SNTG2: variants seen among roughly 807,000 people sequenced by gnomAD.
SNTG2 encodes the protein gamma-2-syntrophin.
In SNTG2, 74 loss-of-function variants were observed where a neutral mutation model predicts 70.9. The ratio of observed to expected loss-of-function variants is 1.04; its 90% confidence interval spans 0.86 to 1.27. The LOEUF is 1.27. Ranked by LOEUF, SNTG2 falls within the 50% of genes most tolerant of loss-of-function variation. The probability of loss-of-function intolerance (pLI) is 0.00; values close to 1 mark genes in which losing one functional copy is unlikely to be tolerated. For missense variants in SNTG2, 717 were observed against 690.7 expected (o/e 1.04, Z -0.43); for synonymous variants, 278 against 273.8 (o/e 1.02, Z -0.15).
intron 1 of SNTG2, among the ~76,000 whole-genome samples, chr2:1,012,259 T>C (rs1490362758): frequency 1.3e-5 from 2 of 152,224 alleles, no homozygotes; most frequent in African/African-American, 4.8e-5. Context: ...CCATGGAGCT[T>C]CCATTAGATC....
intron 10 of SNTG2, among the ~76,000 whole-genome samples, chr2:1,238,835 G>A (rs1287466987): frequency 2.0e-5 from 3 of 152,196 alleles, no homozygotes; most frequent in Admixed American, 6.5e-5. Context: ...CTGGCCAGGC[G>A]TGGCCCACCC....
At chr2:983,917 C>G (rs537017908) in intron 1 of SNTG2, among the ~76,000 whole-genome samples, 1 of 152,212 alleles carries the variant, frequency 6.6e-6, no homozygotes, top group East Asian at 1.9e-4. Flanking sequence ...TGGGAGAAGT[C>G]GGGCTCCACA....
chr2:1,236,219 G>A (rs975852844), intron 9 of SNTG2, among the ~76,000 whole-genome samples: 5 of 152,198 alleles, frequency 3.3e-5, no homozygotes, highest in African/African-American at 9.7e-5. Flanking sequence ...GTAGATATAA[G>A]TCTGTCAATA....
intron 1 of SNTG2, among the ~76,000 whole-genome samples, chr2:1,020,620 ACTC>A (rs1660113976): frequency 1.3e-5 from 2 of 151,678 alleles, no homozygotes; most frequent in African/African-American, 4.8e-5. Flanking sequence ...CTAATAATAT[ACTC>A]CTCATCCATA....
rs1676930907 is a variant in SNTG2, at chr2:1,239,777, G to A, written c.888+1G>A. On this transcript the variant is annotated splice_donor_variant, in intron 11 of 16. Coordinates refer to ENST00000308624, the MANE Select transcript of SNTG2 (RefSeq NM_018968.4). LOFTEE classifies it high-confidence loss of function. Reference sequence around the variant, plus strand: ...CAAATGCTGCTCTCCTTCCGACCAGGTAGGGTTTGTATTTTCTGCTTCATG... The same window carrying A: ...CAAATGCTGCTCTCCTTCCGACCAGATAGGGTTTGTATTTTCTGCTTCATG... The A allele has an allele frequency of 1.2e-6, 2 of 1,613,032 alleles. No homozygotes were observed. Among genetic ancestry groups the A allele is most frequent in the Non-Finnish European group, 1.7e-6 (2 of 1,179,664 alleles).
At chr2:1,178,472 G>T (rs1031305499) in intron 8 of SNTG2, among the ~76,000 whole-genome samples, 4 of 152,210 alleles carry the variant, frequency 2.6e-5, no homozygotes, top group African/African-American at 4.8e-5. Context: ...TTTGAGATAT[G>T]TCCCATCAAT....
intron 12 of SNTG2, 100 bp downstream of exon 12, chr2:1,247,543 A>C: frequency 1.2e-6 from 1 of 817,146 alleles, no homozygotes. Flanking sequence ...GGACAGACAG[A>C]GTGCTTGGTC....
intron 16 of SNTG2, among the ~76,000 whole-genome samples, chr2:1,363,101 T>G (rs1661287552): frequency 6.7e-6 from 1 of 149,882 alleles, no homozygotes. Flanking sequence ...TGAGATGGAA[T>G]GACTCCTGTG....
At chr2:1,283,633 C>T (rs1210288316) in intron 14 of SNTG2, among the ~76,000 whole-genome samples, 1 of 152,100 alleles carries the variant, frequency 6.6e-6, no homozygotes, top group South Asian at 2.1e-4. Context: ...AGCCTGGATG[C>T]CCTCTCCTCA....
intron 2 of SNTG2, among the ~76,000 whole-genome samples, chr2:1,084,481 A>G (rs4971372): frequency 0.78 from 118,441 of 152,076 alleles, 46,456 homozygotes; most frequent in Admixed American, 0.88. Context: ...CCTGCTCCCC[A>G]ACATGTCCCC....
intron 1 of SNTG2, among the ~76,000 whole-genome samples, chr2:1,031,528 A>ATATATTTTTTTTTTTT: frequency 1.7e-5 from 1 of 59,142 alleles, no homozygotes; most frequent in African/African-American, 8.3e-5. Flanking sequence ...ATATATATAT[A>ATATATTTTTTTTTTTT]TTTTTTTTTT....
intron 8 of SNTG2, among the ~76,000 whole-genome samples, chr2:1,200,528 T>C (rs1673213146): frequency 6.6e-6 from 1 of 151,992 alleles, no homozygotes; most frequent in Non-Finnish European, 1.5e-5. Flanking sequence ...CAAATGGAAC[T>C]GTATTAAACT....
chr2:1,197,513 A>ATGTGTGTG (rs769754945), intron 8 of SNTG2, among the ~76,000 whole-genome samples: 1 of 85,216 alleles, frequency 1.2e-5, no homozygotes, highest in Admixed American at 1.5e-4. Context: ...GTATGTATAT[A>ATGTGTGTG]TATGTGTGTG....
chr2:1,289,583 G>A (rs1297863410), intron 14 of SNTG2, among the ~76,000 whole-genome samples: 3 of 152,152 alleles, frequency 2.0e-5, no homozygotes, highest in Non-Finnish European at 2.9e-5. Context: ...AAATAGTCAC[G>A]GGCCATACTC....
At chr2:1,242,240 A>T (rs997315503) in intron 11 of SNTG2, among the ~76,000 whole-genome samples, 20 of 152,134 alleles carry the variant, frequency 1.3e-4, no homozygotes, top group East Asian at 9.7e-4. Context: ...CAGAAAGAAA[A>T]TTTTTTTTCA....
At position 1,269,980 on chromosome 2, in the gene SNTG2, C is replaced by T. The variant is rs556898401; in HGVS notation, c.1284+2409C>T. Among the ~76,000 whole-genome samples, 8 of 152,192 alleles carry T rather than the reference C, an allele frequency of 5.3e-5. No individual in the cohort carries two copies. The South Asian group carries it at 1.5e-3, about 28-fold the overall frequency. ...GAACTTCTGGGGCCGTGCCATGCTG[C>T]CCATGACTGACTTGCCGGATCTTCA... On this transcript the variant is annotated intron_variant, in intron 14 of 16. Transcript: ENST00000308624.
chr2:1,005,806 AATATATATATATAT>A lies in SNTG2; in HGVS notation c.72+54794_72+54807del, dbSNP rs56246912. Among the ~76,000 whole-genome samples the A allele has an allele frequency of 4.5e-4, 14 of 31,258 alleles. 1 individual carries two copies. Among genetic ancestry groups the A allele is most frequent in the Non-Finnish European group, 6.2e-4 (10 of 16,256 alleles). The allele number at this position is 31,258 out of a possible 152,430, so 20.5% of individuals were successfully genotyped here. ...GCGACAGAGCAAGACTCTGCCTCAA[AATATATATATATAT>A]ATATATATATATATATATATATATA... On this transcript the variant is annotated intron_variant, in intron 1 of 16. Coordinates refer to ENST00000308624, the MANE Select transcript of SNTG2 (RefSeq NM_018968.4).
intron 1 of SNTG2, among the ~76,000 whole-genome samples, chr2:980,650 A>G (rs1661067575): frequency 6.6e-6 from 1 of 151,914 alleles, no homozygotes. Context: ...AGTATGTGTA[A>G]GTATATTATT....
intron 4 of SNTG2, among the ~76,000 whole-genome samples, chr2:1,109,172 C>G (rs766403902): frequency 6.6e-6 from 1 of 151,880 alleles, no homozygotes; most frequent in Non-Finnish European, 1.5e-5. Context: ...AAAGCAAAAG[C>G]GGCTTGCGAA....
Sources: gnomAD v4.1 joint callset for allele counts (sites outside exome capture counted in the v4.1 genomes callset) on GRCh38, gnomAD v4.1.1 for gene constraint, MANE v1.5 for transcripts, NCBI Gene and HGNC (gene_info 2026-07-23, HGNC 2026-07-21) for gene names.